TNR: variants seen among roughly 807,000 people sequenced by gnomAD.
The protein encoded by TNR is tenascin-R.
In TNR, 45 loss-of-function variants were observed where a neutral mutation model predicts 150.4. That is an observed-to-expected ratio of 0.30 (90% CI 0.24 to 0.38). The LOEUF (loss-of-function observed/expected upper bound fraction) is 0.38, where lower values mean the gene tolerates loss of function less well. Ranked by LOEUF, TNR falls within the 10% of genes least tolerant of loss-of-function variation. The pLI is 1.00. For synonymous variants in TNR, 687 were observed against 678.4 expected (o/e 1.01, Z -0.20); for missense variants, 1,544 against 1,759.1 (o/e 0.88, Z 2.19).
chr1:175,494,359 A>T (rs1459521507), intron 2 of TNR, among the ~76,000 whole-genome samples: 1 of 152,248 alleles, frequency 6.6e-6, no homozygotes, highest in Non-Finnish European at 1.5e-5. Context: ...AGTCCCCGGC[A>T]CCAGCTCCTG....
chr1:175,390,272 C>T (rs1483573026), intron 7 of TNR, among the ~76,000 whole-genome samples: 1 of 152,238 alleles, frequency 6.6e-6, no homozygotes, highest in Non-Finnish European at 1.5e-5. Flanking sequence ...CTCTGGTCAA[C>T]TCAGCCTTTT....
chr1:175,355,391 G>C (rs1168026688), intron 17 of TNR, 112 bp downstream of exon 17: 1 of 1,434,986 alleles, frequency 7.0e-7, no homozygotes, highest in East Asian at 2.3e-5. Context: ...AGCAATCCTT[G>C]TGGATTGCTT....
intron 1 of TNR, among the ~76,000 whole-genome samples, chr1:175,585,629 G>T (rs538621464): frequency 5.9e-5 from 9 of 152,254 alleles, no homozygotes; most frequent in Admixed American, 5.2e-4. Flanking sequence ...AAGACAGGAA[G>T]ACCTTAATAG....
At chr1:175,669,603 T>C (rs551056844) in intron 1 of TNR, among the ~76,000 whole-genome samples, 98 of 152,254 alleles carry the variant, frequency 6.4e-4, no homozygotes, top group African/African-American at 2.3e-3. Context: ...AAGTTAAGGT[T>C]TTGCAAAAAG....
intron 1 of TNR, among the ~76,000 whole-genome samples, chr1:175,713,136 T>C (rs1667063336): frequency 6.6e-6 from 1 of 152,112 alleles, no homozygotes. Context: ...CCAAGGTAAG[T>C]CTTTCCTATG....
chr1:175,577,651 C>T (rs907053691), intron 1 of TNR, among the ~76,000 whole-genome samples: 13 of 151,976 alleles, frequency 8.6e-5, no homozygotes, highest in East Asian at 1.9e-4. Context: ...ACCCTTCCTG[C>T]GCCTGTAAAT....
intron 8 of TNR, among the ~76,000 whole-genome samples, chr1:175,383,703 T>C (rs1652790980): frequency 1.3e-5 from 2 of 152,196 alleles, no homozygotes; most frequent in Admixed American, 1.3e-4. Flanking sequence ...CTTTGGTTAA[T>C]TTGAATTTAA....
intron 1 of TNR, among the ~76,000 whole-genome samples, chr1:175,668,870 C>A (rs889366241): frequency 2.0e-5 from 3 of 152,178 alleles, no homozygotes; most frequent in Admixed American, 1.3e-4. Flanking sequence ...CTGTTTACAC[C>A]AAAGCCTGCA....
chr1:175,356,445 G>A lies in TNR; in HGVS notation c.2992C>T (p.Leu998Phe). 6.2e-7 allele frequency: 1 copy of A among 1,613,916 alleles called. No homozygotes were observed. The highest frequency in any genetic ancestry group is 1.7e-5 in the Admixed American group (1 of 60,004). Residue 998 changes from leucine to phenylalanine, a missense_variant, in exon 16 of 23, where the codon CTT becomes TTT. By Grantham distance (22) the Leu-to-Phe change is conservative (BLOSUM62 0). This residue lies in a region of TNR where 1,254 missense variants were observed against 1,329.4 expected (regional missense o/e 0.94). Coordinates refer to ENST00000367674, the MANE Select transcript of TNR (RefSeq NM_003285.3). ...THFAVAGETI[L>F]VDGVSEEFRL... Reference sequence around the variant, plus strand: ...AATTCCTCACTGACTCCGTCAACAAGGATGGTCTCTCCAGCGACTGAACTC... The same window carrying A: ...AATTCCTCACTGACTCCGTCAACAAAGATGGTCTCTCCAGCGACTGAACTC...
intron 1 of TNR, among the ~76,000 whole-genome samples, chr1:175,532,892 C>T (rs1243995459): frequency 1.3e-5 from 2 of 152,068 alleles, no homozygotes; most frequent in Admixed American, 6.6e-5. Context: ...TGAGAAAGTG[C>T]ACGGTGGAAG....
At chr1:175,589,784 G>A (rs746806942) in intron 1 of TNR, among the ~76,000 whole-genome samples, 46 of 152,220 alleles carry the variant, frequency 3.0e-4, no homozygotes, top group Non-Finnish European at 6.3e-4. Flanking sequence ...ACTCATAAGC[G>A]GGAGTTGAAC....
intron 1 of TNR, among the ~76,000 whole-genome samples, chr1:175,572,495 G>A (rs1661918382): frequency 6.6e-6 from 1 of 152,104 alleles, no homozygotes; most frequent in African/African-American, 2.4e-5. Flanking sequence ...ATTTTCTGAA[G>A]AGTGTACAGG....
At chr1:175,553,751 TA>T (rs568436056) in intron 1 of TNR, among the ~76,000 whole-genome samples, 181 of 151,038 alleles carry the variant, frequency 1.2e-3, no homozygotes, top group African/African-American at 4.2e-3. Flanking sequence ...CAGCCCATCT[TA>T]AAACACACAC....
intron 1 of TNR, among the ~76,000 whole-genome samples, chr1:175,741,143 C>A (rs1455445016): frequency 6.6e-6 from 1 of 152,220 alleles, no homozygotes; most frequent in Non-Finnish European, 1.5e-5. Flanking sequence ...GCTTTGGCTG[C>A]AAGTCTATCC....
rs1478710611 is a variant in TNR, at chr1:175,667,784, T to C, written c.-165+75442A>G. 2.0e-5 allele frequency among the ~76,000 whole-genome samples: 3 copies of C among 152,350 alleles called. No homozygotes were observed. In the East Asian group the frequency reaches 5.8e-4, roughly 29 times the overall value. On this transcript the variant is annotated intron_variant, in intron 1 of 22. Transcript: ENST00000367674. ...ACCCACTTCCTTCTCTCCTCCTGCC[T>C]GTACCCTCTTGGTCAGATACACTTT...
At chr1:175,332,506 G>A (rs1239633632) in intron 20 of TNR, among the ~76,000 whole-genome samples, 1 of 152,160 alleles carries the variant, frequency 6.6e-6, no homozygotes, top group Non-Finnish European at 1.5e-5. Context: ...CCCAACTTGA[G>A]TATTGCTTCC....
intron 1 of TNR, among the ~76,000 whole-genome samples, chr1:175,703,956 A>G (rs1666772460): frequency 6.6e-6 from 1 of 152,292 alleles, no homozygotes; most frequent in South Asian, 2.1e-4. Flanking sequence ...TTGGTATTGT[A>G]TTGTGTATGG....
intron 1 of TNR, among the ~76,000 whole-genome samples, chr1:175,574,327 G>C (rs907436411): frequency 3.9e-5 from 6 of 152,118 alleles, no homozygotes; most frequent in Non-Finnish European, 8.8e-5. Flanking sequence ...TTTTCTGTCT[G>C]CTCCTGTGGT....
At chr1:175,689,561 T>C (rs1001358377) in intron 1 of TNR, among the ~76,000 whole-genome samples, 18 of 152,094 alleles carry the variant, frequency 1.2e-4, no homozygotes, top group African/African-American at 4.3e-4. Flanking sequence ...TGATAGAGAA[T>C]CAATTGGCTT....
Sources: gnomAD v4.1 joint callset for allele counts (sites outside exome capture counted in the v4.1 genomes callset) on GRCh38, gnomAD v4.1.1 for gene constraint, gnomAD v4.1.1 regional missense constraint, MANE v1.5 for transcripts, NCBI Gene and HGNC (gene_info 2026-07-23, HGNC 2026-07-21) for gene names.